The following MKLN1 variants were observed in gnomAD, a reference collection of about 807,000 sequenced individuals.
MKLN1 encodes the protein muskelin 1, also known as muskelin.
A neutral mutation model predicts 99.0 loss-of-function variants in MKLN1; 18 were observed. The observed-to-expected ratio is 0.18, with a 90% CI of 0.13 to 0.27. MKLN1 has a LOEUF of 0.27. Among genes scored for constraint, MKLN1 ranks in the 10% least tolerant of loss-of-function variants. The pLI is 1.00. For missense variants in MKLN1, 621 were observed against 875.9 expected (o/e 0.71, Z 3.67); for synonymous variants, 288 against 293.2 (o/e 0.98, Z 0.18).
chr7:131,345,110 A>T (rs1799520238), intron 1 of MKLN1, among the ~76,000 whole-genome samples: 4 of 152,182 alleles, frequency 2.6e-5, no homozygotes, highest in African/African-American at 9.6e-5. Context: ...CTGGACTGAT[A>T]GATCATAAAT....
intron 2 of MKLN1, among the ~76,000 whole-genome samples, chr7:131,194,726 G>A (rs1382781052): frequency 2.0e-5 from 3 of 152,196 alleles, no homozygotes; most frequent in African/African-American, 7.2e-5. Flanking sequence ...AATACTGAAT[G>A]TGTTGCTAGT....
chr7:131,402,742 A>G (rs1254475038), intron 6 of MKLN1, among the ~76,000 whole-genome samples: 11 of 152,182 alleles, frequency 7.2e-5, no homozygotes, highest in Admixed American at 5.9e-4. Context: ...TGACAGGTGC[A>G]TTGTCAGTGA....
chr7:131,228,066 A>AT (rs1797184246), intron 3 of MKLN1, among the ~76,000 whole-genome samples: 1 of 151,102 alleles, frequency 6.6e-6, no homozygotes, highest in South Asian at 2.1e-4. Context: ...AATGTCAACA[A>AT]TTTTTTGTTG....
At chr7:131,434,738 G>A (rs766037726) in intron 9 of MKLN1, among the ~76,000 whole-genome samples, 25 of 152,084 alleles carry the variant, frequency 1.6e-4, no homozygotes, top group Non-Finnish European at 3.1e-4. Context: ...ATTATGTGTA[G>A]AGATAGGATC....
chr7:131,235,342 A>C (rs986059384), intron 3 of MKLN1, among the ~76,000 whole-genome samples: 82 of 152,044 alleles, frequency 5.4e-4, no homozygotes, highest in Non-Finnish European at 8.8e-5. Context: ...AGAGAGAGAG[A>C]GAGCATCTTC....
rs760917460 is a variant in MKLN1 at position 131,327,948 on chromosome 7, C to A, written c.49C>A (p.Pro17Thr). 2.5e-6 allele frequency: 4 copies of A among 1,613,816 alleles called. No homozygotes were observed. In the South Asian group the frequency reaches 3.3e-5, roughly 13 times the overall value. The change falls in exon 1 of 18, where the codon CCC becomes ACC. Residue 17 changes from proline (P) to threonine (T), a missense_variant. Pro to Thr is a conservative substitution (Grantham distance 38). Around this residue, in one of 8 missense-constraint regions of MKLN1, gnomAD observed 58 missense variants for 40.0 expected, o/e 1.45. Transcript: ENST00000352689. ...VAAAPECRLL[P>T]YALHKWSSFS... is the part of the protein sequence containing the mutation. Reference sequence around the variant, plus strand: ...TGCGGCGCCCGAGTGCCGGCTTCTCCCCTACGCGCTACACAAGTGGAGCTC... The same window carrying A: ...TGCGGCGCCCGAGTGCCGGCTTCTCACCTACGCGCTACACAAGTGGAGCTC...
At chr7:131,234,851 G>T (rs1429366942) in intron 3 of MKLN1, among the ~76,000 whole-genome samples, 2 of 152,132 alleles carry the variant, frequency 1.3e-5, no homozygotes, top group African/African-American at 4.8e-5. Flanking sequence ...AACTTTCTCT[G>T]CTTGTCTTTA....
intron 1 of MKLN1, among the ~76,000 whole-genome samples, chr7:131,140,504 C>T (rs1382782204): frequency 1.3e-5 from 2 of 152,062 alleles, no homozygotes; most frequent in Non-Finnish European, 2.9e-5. Context: ...AGTTCTCGCT[C>T]TATTAGTTCA....
At chr7:131,166,206 G>A (rs756874199) in intron 2 of MKLN1, among the ~76,000 whole-genome samples, 1 of 152,172 alleles carries the variant, frequency 6.6e-6, no homozygotes, top group Non-Finnish European at 1.5e-5. Context: ...AGAGCTTGGC[G>A]ACAATTGGTT....
intron 8 of MKLN1, among the ~76,000 whole-genome samples, chr7:131,415,438 ATAAT>A (rs899248887): frequency 2.0e-5 from 3 of 152,146 alleles, no homozygotes; most frequent in Non-Finnish European, 4.4e-5. Context: ...ATATTCTAAA[ATAAT>A]TAAGAATAAA....
intron 1 of MKLN1, among the ~76,000 whole-genome samples, chr7:131,133,415 C>A (rs1478377119): frequency 1.6e-5 from 2 of 126,934 alleles, no homozygotes; most frequent in East Asian, 2.4e-4. Flanking sequence ...AGTGCAGTGG[C>A]GTGATCTCGG....
chr7:131,205,099 A>G (rs1796790008), intron 3 of MKLN1, among the ~76,000 whole-genome samples: 1 of 64,990 alleles, frequency 1.5e-5, no homozygotes, highest in Non-Finnish European at 2.8e-5. Flanking sequence ...CTCCGTCTCA[A>G]AAAAAAAAAA....
At chr7:131,357,295 A>G (rs1799911106) in intron 1 of MKLN1, among the ~76,000 whole-genome samples, 1 of 152,112 alleles carries the variant, frequency 6.6e-6, no homozygotes, top group South Asian at 2.1e-4. Context: ...GGACAGGTGT[A>G]TTGTAGGATG....
intron 8 of MKLN1, among the ~76,000 whole-genome samples, chr7:131,427,019 C>G (rs1795377407): frequency 6.6e-6 from 1 of 152,014 alleles, no homozygotes; most frequent in Non-Finnish European, 1.5e-5. Context: ...CCTCATATAA[C>G]TTATATCTGA....
At chr7:131,206,711 G>A (rs1020546420) in intron 3 of MKLN1, among the ~76,000 whole-genome samples, 8 of 151,724 alleles carry the variant, frequency 5.3e-5, no homozygotes, top group African/African-American at 1.2e-4. Context: ...GTGCGCCACC[G>A]TGGCCGGCTA....
chr7:131,452,828 C>T (rs898948911), intron 12 of MKLN1, among the ~76,000 whole-genome samples: 1 of 152,110 alleles, frequency 6.6e-6, no homozygotes, highest in Non-Finnish European at 1.5e-5. Context: ...GGATTACAGG[C>T]GTGAGCCACT....
intron 1 of MKLN1, among the ~76,000 whole-genome samples, chr7:131,133,258 G>A (rs1353539166): frequency 6.6e-6 from 1 of 150,738 alleles, no homozygotes; most frequent in East Asian, 1.9e-4. Flanking sequence ...TTCCCTCCTG[G>A]CAACTTCAAA....
intron 2 of MKLN1, among the ~76,000 whole-genome samples, chr7:131,196,760 A>C (rs1796651667): frequency 6.6e-6 from 1 of 152,062 alleles, no homozygotes; most frequent in Non-Finnish European, 1.5e-5. Flanking sequence ...GTACATTATC[A>C]CTTGCTCTTT....
intron 6 of MKLN1, among the ~76,000 whole-genome samples, chr7:131,410,382 G>A (rs1794840100): frequency 6.6e-6 from 1 of 152,054 alleles, no homozygotes; most frequent in African/African-American, 2.4e-5. Context: ...ATTGTTTTTA[G>A]AATTAAATGA....
Sources: allele counts gnomAD v4.1 joint callset (sites outside exome capture counted in the v4.1 genomes callset), GRCh38; gene constraint gnomAD v4.1.1; regional missense constraint gnomAD v4.1.1; transcripts MANE v1.5; gene names NCBI Gene and HGNC (gene_info 2026-07-23, HGNC 2026-07-21).